Variants in GALNT13 observed in about 807,000 individuals in gnomAD.
The protein encoded by GALNT13 is UDP-GalNAc:polypeptide N-acetylgalactosaminyltransferase 13.
In GALNT13, 28 loss-of-function variants were observed where a neutral mutation model predicts 64.2. The ratio of observed to expected loss-of-function variants is 0.44; its 90% CI spans 0.32 to 0.60. GALNT13 has a LOEUF of 0.60. Among genes scored for constraint, GALNT13 ranks in the 20% least tolerant of loss-of-function variants. GALNT13 has a pLI of 0.05. For missense variants in GALNT13, 577 were observed against 669.8 expected (o/e 0.86, Z 1.53); for synonymous variants, 214 against 224.6 (o/e 0.95, Z 0.42).
the GALNT13 span, among the ~76,000 whole-genome samples, chr2:153,715,236 G>A: frequency 2.1e-3 from 319 of 152,342 alleles, 1 homozygote; most frequent in African/African-American, 6.5e-3. Flanking sequence ...ATTGTAATCA[G>A]GGGTATTTTT....
chr2:153,075,889 C>G, the GALNT13 span, among the ~76,000 whole-genome samples: 2 of 151,896 alleles, frequency 1.3e-5, no homozygotes, highest in Non-Finnish European at 2.9e-5. Context: ...TGTTCTCTAC[C>G]TTGCTTTTTT....
the GALNT13 span, among the ~76,000 whole-genome samples, chr2:153,096,705 T>C: frequency 6.6e-6 from 1 of 152,188 alleles, no homozygotes; most frequent in Non-Finnish European, 1.5e-5. Flanking sequence ...TGGCTTTCAC[T>C]GGCATGAAAT....
At chr2:154,197,296 A>T (rs549043122) in intron 4 of GALNT13, among the ~76,000 whole-genome samples, 1 of 152,274 alleles carries the variant, frequency 6.6e-6, no homozygotes, top group Admixed American at 6.5e-5. Flanking sequence ...ACAGTAAAAT[A>T]TATAAAAGAA....
At chr2:153,488,213 G>A in the GALNT13 span, among the ~76,000 whole-genome samples, 1 of 152,268 alleles carries the variant, frequency 6.6e-6, no homozygotes, top group African/African-American at 2.4e-5. Flanking sequence ...TGTCACCATG[G>A]CAAACCTGAC....
At chr2:154,433,750 CA>C (rs5835516) in intron 11 of GALNT13, among the ~76,000 whole-genome samples, 24 of 144,448 alleles carry the variant, frequency 1.7e-4, no homozygotes, top group Admixed American at 2.1e-4. Flanking sequence ...ACAGGTTAGC[CA>C]AAAAAAAAAA....
chr2:154,114,155 A>G (rs1238048654), intron 3 of GALNT13, among the ~76,000 whole-genome samples: 1 of 152,096 alleles, frequency 6.6e-6, no homozygotes, highest in African/African-American at 2.4e-5. Flanking sequence ...CAGAGATGCA[A>G]TATTGTTTTT....
the GALNT13 span, among the ~76,000 whole-genome samples, chr2:153,401,444 G>A: frequency 1.3e-5 from 2 of 150,036 alleles, no homozygotes; most frequent in East Asian, 1.9e-4. Flanking sequence ...TATTAGGTCT[G>A]CTTGGTGCAG....
At chr2:154,406,113 T>G (rs945167642) in intron 10 of GALNT13, among the ~76,000 whole-genome samples, 2 of 152,146 alleles carry the variant, frequency 1.3e-5, no homozygotes, top group African/African-American at 4.8e-5. Context: ...TAAATAGAAA[T>G]AGCATTTGCC....
the GALNT13 span, among the ~76,000 whole-genome samples, chr2:153,408,743 CTAAT>C: frequency 1.3e-5 from 2 of 151,336 alleles, no homozygotes; most frequent in Non-Finnish European, 2.9e-5. Context: ...ATTTGCTAAA[CTAAT>C]TAGCCTATTG....
At chr2:154,228,627 G>T (rs1054748253) in intron 4 of GALNT13, among the ~76,000 whole-genome samples, 18 of 152,158 alleles carry the variant, frequency 1.2e-4, no homozygotes, top group Non-Finnish European at 2.4e-4. Context: ...ATTGGGTGTT[G>T]CCACCAAGGA....
the GALNT13 span, among the ~76,000 whole-genome samples, chr2:153,323,468 T>C: frequency 2.0e-5 from 3 of 152,234 alleles, no homozygotes; most frequent in Non-Finnish European, 4.4e-5. Context: ...TAATTTCTTT[T>C]GCTGTGCAGA....
At chr2:154,336,249 G>C (rs16836567) in intron 9 of GALNT13, among the ~76,000 whole-genome samples, 17,386 of 152,040 alleles carry the variant, frequency 0.11, 1,555 homozygotes, top group East Asian at 0.48. Flanking sequence ...AATAATCATT[G>C]CAGTTTATGA....
chr2:154,106,458 A>G (rs1277323417), intron 3 of GALNT13, among the ~76,000 whole-genome samples: 1 of 152,032 alleles, frequency 6.6e-6, no homozygotes, highest in Non-Finnish European at 1.5e-5. Context: ...TTGAATTCAT[A>G]TTACTTCTTT....
the GALNT13 span, among the ~76,000 whole-genome samples, chr2:153,817,689 G>A: frequency 2.0e-5 from 3 of 152,242 alleles, no homozygotes; most frequent in African/African-American, 7.2e-5. Flanking sequence ...AATGTCCTGA[G>A]TAAAGTCTTT....
chr2:153,156,390 T>C, the GALNT13 span, among the ~76,000 whole-genome samples: 1 of 152,188 alleles, frequency 6.6e-6, no homozygotes, highest in Non-Finnish European at 1.5e-5. Flanking sequence ...ATATTTTAAA[T>C]ACATCTATCC....
the GALNT13 span, among the ~76,000 whole-genome samples, chr2:153,247,621 C>G: frequency 2.0e-5 from 3 of 152,036 alleles, no homozygotes; most frequent in Admixed American, 2.0e-4. Flanking sequence ...CTAGAAAGAT[C>G]TCAGTTGACA....
chr2:154,204,426 T>C (rs533537193), intron 4 of GALNT13, among the ~76,000 whole-genome samples: 26 of 152,294 alleles, frequency 1.7e-4, no homozygotes, highest in African/African-American at 6.0e-4. Context: ...AATAATACAT[T>C]TCAAGGCACG....
the GALNT13 span, among the ~76,000 whole-genome samples, chr2:153,078,825 A>G: frequency 6.6e-6 from 1 of 152,046 alleles, no homozygotes; most frequent in Non-Finnish European, 1.5e-5. Context: ...GGGTGTTAAA[A>G]TTTGATTTTT....
the GALNT13 span, among the ~76,000 whole-genome samples, chr2:153,857,668 T>A: frequency 1.3e-5 from 2 of 152,202 alleles, no homozygotes; most frequent in Admixed American, 6.5e-5. Context: ...ACATATATAT[T>A]TTTTAAAACT....
Sources: allele counts gnomAD v4.1 joint callset (sites outside exome capture counted in the v4.1 genomes callset), GRCh38; gene constraint gnomAD v4.1.1; transcripts MANE v1.5; gene names NCBI Gene and HGNC (gene_info 2026-07-23, HGNC 2026-07-21).